The following MED6 variants were observed in gnomAD, a reference collection of about 807,000 sequenced individuals.
The protein encoded by MED6 is mediator complex subunit 6.
In MED6, 33 loss-of-function variants were observed where a neutral mutation model predicts 37.5. The observed-to-expected ratio is 0.88, with a 90% CI of 0.67 to 1.18. The LOEUF (loss-of-function observed/expected upper bound fraction) is 1.18. MED6 is among the 50% of genes most tolerant of loss of function. The pLI, the probability that MED6 is intolerant of heterozygous loss-of-function variation, is 0.00. For missense variants in MED6, 235 were observed against 290.6 expected (o/e 0.81, Z 1.39); for synonymous variants, 94 against 93.6 (o/e 1.00, Z -0.02).
At position 70,588,688 on chromosome 14, in the gene MED6, AAATAATAATAATAATAATAATAATAAT is replaced by A. The variant is rs77093432; in HGVS notation, c.582+2551_582+2577del. On this transcript the variant is annotated intron_variant, in intron 6 of 7. Transcript: ENST00000256379. Reference sequence around the variant, plus strand: ...GCGACAGAGTGAGACTCCGTCTCAAAAATAATAATAATAATAATAATAATAATAATAATAATAATAATAATAATAATA... The same window carrying A: ...GCGACAGAGTGAGACTCCGTCTCAAAAATAATAATAATAATAATAATAATA... Among the ~76,000 whole-genome samples the A allele has an allele frequency of 1.4e-3, 184 of 134,640 alleles. 3 individuals carry two copies. The highest frequency in any genetic ancestry group is 4.6e-3 in the African/African-American group (174 of 37,510). 88.3% of individuals were successfully genotyped at this position (134,640 alleles called of 152,430 possible). A position where few individuals can be genotyped will look rare whatever the true frequency, so the allele number is the denominator to read the frequency against.
Position 70,595,939 on chromosome 14 carries a change from C to T in MED6, c.274+672G>A, listed in dbSNP as rs183479148. 1.2e-3 allele frequency among the ~76,000 whole-genome samples: 185 copies of T among 152,338 alleles called. 1 individual carries two copies. Among genetic ancestry groups the T allele is most frequent in the African/African-American group, 4.4e-3 (181 of 41,590 alleles). On this transcript the variant is annotated intron_variant, in intron 3 of 7. Transcript: ENST00000256379. The stretch of plus-strand genomic sequence containing the variant: ...GCTTGACGTTCAGTCGGTATACCAA[C>T]TGTGCTCACAGAAAGAGGTAGCTTT...
rs1304445837 is a variant in MED6, at chr14:70,593,444, TAAAAAGAA to T, written c.275-74_275-67del. On this transcript the variant is annotated intron_variant, in intron 3 of 7. Coordinates refer to ENST00000256379, the MANE Select transcript of MED6 (RefSeq NM_005466.4). ...ACACAAACTGCTAAACAGATTCTCATAAAAAGAAATAAAATCTGACATTTTCCCATAAG... is the reference window on the plus strand; with the variant it reads ...ACACAAACTGCTAAACAGATTCTCATATAAAATCTGACATTTTCCCATAAG... 5.0e-6 allele frequency: 6 copies of T among 1,192,364 alleles called. No individual in the cohort carries two copies. In the East Asian group the frequency reaches 1.4e-4, roughly 28 times the overall value. 73.9% of individuals were successfully genotyped at this position (1,192,364 alleles called of 1,614,324 possible).
In MED6 at chr14:70,596,614, G is replaced by A; in HGVS notation, c.271C>T (p.Gln91Ter). ...IRKQQRQSPAQVIPLADYYII... is the reference protein window; with the variant it reads ...IRKQQRQSPA Reference sequence around the variant, plus strand: ...GCCTAAAGTTTACACATTTTACCTTGGGCAGGGGACTGCCGCTGTTGCTTC... The same window carrying A: ...GCCTAAAGTTTACACATTTTACCTTAGGCAGGGGACTGCCGCTGTTGCTTC... The change falls in exon 3 of 8, where the codon CAA (glutamine) becomes TAA (stop). Residue 91 changes from glutamine (Q) to a stop codon, truncating the protein, a stop_gained. Transcript: ENST00000256379. LOFTEE classifies it high-confidence loss of function. 3.7e-6 allele frequency: 6 copies of A among 1,609,400 alleles called. No individual in the cohort carries two copies. Among genetic ancestry groups the A allele is most frequent in the Non-Finnish European group, 5.1e-6 (6 of 1,176,004 alleles).
intron 2 of MED6, among the ~76,000 whole-genome samples, chr14:70,597,100 C>T (rs1885070241): frequency 6.6e-6 from 1 of 152,038 alleles, no homozygotes; most frequent in Non-Finnish European, 1.5e-5. Flanking sequence ...AACTAGAAAA[C>T]ATCAAAAACT....
Position 70,584,656 on chromosome 14 carries a change from G to GTT in MED6, c.*156_*157insAA. The GTT allele has an allele frequency of 1.0e-6, 1 of 962,158 alleles. No homozygotes were observed. Among genetic ancestry groups the GTT allele is most frequent in the Non-Finnish European group, 1.5e-6 (1 of 670,720 alleles). The allele number at this position is 962,158 out of a possible 1,614,324, so 59.6% of individuals were successfully genotyped here. A position where few individuals can be genotyped will look rare whatever the true frequency, so the allele number is the denominator to read the frequency against. ...CTCCCAAAGTGCTGGGATTACAGGC[G>GTT]TGAGCCACCACATCCGGCCTAATAT... On this transcript the variant is annotated 3_prime_UTR_variant, in exon 8 of 8. Coordinates refer to ENST00000256379, the MANE Select transcript of MED6 (RefSeq NM_005466.4).
intron 6 of MED6, among the ~76,000 whole-genome samples, chr14:70,587,639 C>T (rs550698660): frequency 2.0e-4 from 30 of 152,290 alleles, no homozygotes; most frequent in African/African-American, 7.2e-4. Context: ...ACATAATACA[C>T]TGTCTAATCT....
At chr14:70,597,194 CA>C (rs755241029) in intron 2 of MED6, among the ~76,000 whole-genome samples, 1 of 152,116 alleles carries the variant, frequency 6.6e-6, no homozygotes, top group Non-Finnish European at 1.5e-5. Flanking sequence ...GTATTTGCCC[CA>C]TAACAAAAGC....
intron 1 of MED6, among the ~76,000 whole-genome samples, 156 bp downstream of exon 1, chr14:70,600,460 A>G (rs1885174380): frequency 6.6e-6 from 1 of 151,292 alleles, no homozygotes; most frequent in Non-Finnish European, 1.5e-5. Context: ...AAACTCGTCA[A>G]CGTTTCGCTA....
chr14:70,585,166 TTAAG>T (rs938675022), intron 7 of MED6, among the ~76,000 whole-genome samples: 8 of 152,156 alleles, frequency 5.3e-5, no homozygotes, highest in African/African-American at 7.2e-5. Flanking sequence ...TACATAGCAT[TTAAG>T]TAAGACAGTA....
rs1476760908 is a variant in MED6 at position 70,592,875 on chromosome 14, C to G, written c.466+5G>C. ...GTTTTAGGAGGGTATGGATGTTCTA[C>G]TTACCTTGCTCTTCATGATCTTTGA... On this transcript the variant is annotated splice_donor_5th_base_variant and intron_variant, in intron 5 of 7. Transcript: ENST00000256379. The G allele has an allele frequency of 4.3e-5, 70 of 1,613,510 alleles. No homozygotes were observed. Among genetic ancestry groups the G allele is most frequent in the Non-Finnish European group, 5.9e-5 (70 of 1,179,674 alleles).
chr14:70,596,597 T>C lies in MED6; in HGVS notation c.274+14A>G. ...TTTAAAAAGAAAACAATGCCTAAAG[T>C]TTACACATTTTACCTTGGGCAGGGG... is the stretch of plus-strand genomic sequence containing the variant. On this transcript the variant is annotated intron_variant, in intron 3 of 7. Coordinates refer to ENST00000256379, the MANE Select transcript of MED6 (RefSeq NM_005466.4). 6.3e-7 allele frequency: 1 copy of C among 1,590,638 alleles called. No homozygotes were observed. The highest frequency in any genetic ancestry group is 2.2e-5 in the East Asian group (1 of 44,750).
chr14:70,584,112 A>G lies in MED6; in HGVS notation c.*701T>C, dbSNP rs1468724598. The G allele has an allele frequency of 1.4e-6, 1 of 719,832 alleles. No homozygotes were observed. Among genetic ancestry groups the G allele is most frequent in the Non-Finnish European group, 2.5e-6 (1 of 400,360 alleles). 44.6% of individuals were successfully genotyped at this position (719,832 alleles called of 1,614,324 possible). A position where few individuals can be genotyped will look rare whatever the true frequency, so the allele number is the denominator to read the frequency against. Reference sequence around the variant, plus strand: ...CAAAATGTCAGCAACTGTTTATTTTAATACTGAGGATTATGTAACTGAACA... The same window carrying G: ...CAAAATGTCAGCAACTGTTTATTTTGATACTGAGGATTATGTAACTGAACA... On this transcript the variant is annotated 3_prime_UTR_variant, in exon 8 of 8. Coordinates refer to ENST00000256379, the MANE Select transcript of MED6 (RefSeq NM_005466.4).
Position 70,592,899 on chromosome 14 carries a change from G to C in MED6, c.447C>G (p.Phe149Leu), listed in dbSNP as rs534447284. The C allele has an allele frequency of 4.3e-6, 7 of 1,613,790 alleles. No individual in the cohort carries two copies. In the East Asian group the frequency reaches 1.6e-4, roughly 36 times the overall value. Reference protein sequence around the residue: ...YHPSKGYWWHFKDHEEQDKVR... With the variant: ...YHPSKGYWWHLKDHEEQDKVR... The stretch of plus-strand genomic sequence containing the variant: ...ACTTACCTTGCTCTTCATGATCTTT[G>C]AAGTGCCACCAATACCCTTTGGAAG... The change falls in exon 5 of 8, where the codon TTC becomes TTG. Residue 149 changes from phenylalanine to leucine, a missense_variant. Coordinates refer to ENST00000256379, the MANE Select transcript of MED6 (RefSeq NM_005466.4).
At chr14:70,586,734 G>A (rs1343787116) in intron 6 of MED6, among the ~76,000 whole-genome samples, 1 of 152,054 alleles carries the variant, frequency 6.6e-6, no homozygotes, top group Non-Finnish European at 1.5e-5. Context: ...CATGTTCCAG[G>A]TTCATGCTGA....
chr14:70,590,840 C>T (rs754601227), intron 6 of MED6, among the ~76,000 whole-genome samples: 1 of 152,234 alleles, frequency 6.6e-6, no homozygotes, highest in Admixed American at 6.5e-5. Context: ...GCCAAACACT[C>T]TACCTCAGAT....
chr14:70,584,580 T>C lies in MED6; in HGVS notation c.*233A>G. ...TAGTAGAGACGGGGTTTCACCATATTGGTCAGGCTGGTCTTGAACTTCTGA... is the reference window on the plus strand; with the variant it reads ...TAGTAGAGACGGGGTTTCACCATATCGGTCAGGCTGGTCTTGAACTTCTGA... On this transcript the variant is annotated 3_prime_UTR_variant, in exon 8 of 8. Coordinates refer to ENST00000256379, the MANE Select transcript of MED6 (RefSeq NM_005466.4). The C allele has an allele frequency of 2.5e-6, 1 of 407,308 alleles. No individual in the cohort carries two copies. Among genetic ancestry groups the C allele is most frequent in the Non-Finnish European group, 4.3e-6 (1 of 232,550 alleles). 25.2% of individuals were successfully genotyped at this position (407,308 alleles called of 1,614,324 possible).
intron 6 of MED6, 78 bp downstream of exon 6, chr14:70,591,188 A>G: frequency 9.0e-7 from 1 of 1,114,256 alleles, no homozygotes; most frequent in Non-Finnish European, 1.3e-6. Context: ...TCACATCTGA[A>G]ACAGTTCTCA....
At chr14:70,598,900 T>C (rs1431418828) in intron 1 of MED6, among the ~76,000 whole-genome samples, 1 of 152,224 alleles carries the variant, frequency 6.6e-6, no homozygotes, top group Non-Finnish European at 1.5e-5. Flanking sequence ...ATGTAAAAGC[T>C]AAGGGATAAA....
intron 5 of MED6, chr14:70,592,407 G>A (rs1212882645): frequency 2.0e-5 from 3 of 146,664 alleles, no homozygotes; most frequent in African/African-American, 7.7e-5. Context: ...CAGATACCAA[G>A]ATAACTCAAC....
Sources: allele counts gnomAD v4.1 joint callset (sites outside exome capture counted in the v4.1 genomes callset), GRCh38; gene constraint gnomAD v4.1.1; transcripts MANE v1.5; gene names NCBI Gene and HGNC (gene_info 2026-07-23, HGNC 2026-07-21).